SLC4A10: variants seen among roughly 807,000 people sequenced by gnomAD.
SLC4A10 encodes sodium-driven chloride bicarbonate exchanger.
SLC4A10 carries 42 observed loss-of-function variants against 137.7 expected under a neutral mutation model. The ratio of observed to expected loss-of-function variants is 0.30; its 90% CI spans 0.24 to 0.39. The LOEUF (loss-of-function observed/expected upper bound fraction) is 0.39, where lower values mean the gene tolerates loss of function less well. Ranked by LOEUF, SLC4A10 falls within the 10% of genes least tolerant of loss-of-function variation. The probability of loss-of-function intolerance (pLI) is 1.00; values close to 1 mark genes in which losing one functional copy is unlikely to be tolerated. For missense variants in SLC4A10, 925 were observed against 1,355.0 expected, an observed-to-expected ratio of 0.68 and a Z score of 4.98; for synonymous variants, 474 against 464.1, an observed-to-expected ratio of 1.02 and a Z score of -0.27.
intron 2 of SLC4A10, among the ~76,000 whole-genome samples, chr2:161,803,989 A>C (rs1337418077): frequency 1.3e-5 from 2 of 152,170 alleles, no homozygotes; most frequent in Non-Finnish European, 2.9e-5. Flanking sequence ...AGAAATAGGA[A>C]AACAGAAAAA....
intron 2 of SLC4A10, among the ~76,000 whole-genome samples, chr2:161,786,321 A>G (rs1402801561): frequency 6.6e-6 from 1 of 151,720 alleles, no homozygotes; most frequent in African/African-American, 2.4e-5. Flanking sequence ...GTCCTTTCAC[A>G]TTAGATGGAT....
At position 161,716,178 on chromosome 2, in the gene SLC4A10, GTT is replaced by G. The variant is rs35632198; in HGVS notation, c.49-54784_49-54783del. ...ATGTCCTTTGCCCACTTTTTGATGG[GTT>G]TTTTTTTTTTCTTGTAAATTTGTTT... On this transcript the variant is annotated intron_variant, in intron 1 of 26. Coordinates refer to ENST00000446997, the MANE Select transcript of SLC4A10 (RefSeq NM_001178015.2). 1.4e-3 allele frequency among the ~76,000 whole-genome samples: 209 copies of G among 146,318 alleles called. 1 individual carries two copies. The highest frequency in any genetic ancestry group is 7.0e-3 in the Middle Eastern group (2 of 286).
intron 1 of SLC4A10, among the ~76,000 whole-genome samples, chr2:161,763,384 G>A (rs779983282): frequency 6.6e-6 from 1 of 152,050 alleles, no homozygotes; most frequent in East Asian, 1.9e-4. Flanking sequence ...CACTCAAAAG[G>A]GGTGATAAAG....
chr2:161,868,524 A>G (rs1488246688), intron 6 of SLC4A10, among the ~76,000 whole-genome samples: 1 of 151,626 alleles, frequency 6.6e-6, no homozygotes, highest in Non-Finnish European at 1.5e-5. Flanking sequence ...TTTTTATCTG[A>G]CACATATGAT....
At chr2:161,645,364 A>C (rs1574071179) in intron 1 of SLC4A10, among the ~76,000 whole-genome samples, 1 of 152,138 alleles carries the variant, frequency 6.6e-6, no homozygotes, top group East Asian at 1.9e-4. Flanking sequence ...CTCATAACTA[A>C]TGTAGTCAGG....
At chr2:161,879,765 A>G (rs62188773) in intron 9 of SLC4A10, among the ~76,000 whole-genome samples, 10,405 of 152,034 alleles carry the variant, frequency 0.068, 461 homozygotes, top group East Asian at 0.13. Context: ...CGTCAAATAT[A>G]TGTTTCAATC....
intron 5 of SLC4A10, among the ~76,000 whole-genome samples, chr2:161,858,996 G>A (rs2060253105): frequency 6.6e-6 from 1 of 152,078 alleles, no homozygotes; most frequent in Non-Finnish European, 1.5e-5. Context: ...TACATCTTTA[G>A]TACACACATC....
chr2:161,685,481 A>ACTTGGGT (rs1282699428), intron 1 of SLC4A10, among the ~76,000 whole-genome samples: 3 of 152,050 alleles, frequency 2.0e-5, no homozygotes, highest in Non-Finnish European at 2.9e-5. Flanking sequence ...GGTGGCACAC[A>ACTTGGGT]CCTGTGGTCC....
intron 6 of SLC4A10, among the ~76,000 whole-genome samples, chr2:161,866,395 T>C (rs1171125807): frequency 6.6e-6 from 1 of 152,032 alleles, no homozygotes; most frequent in African/African-American, 2.4e-5. Flanking sequence ...ACTAGTTCAC[T>C]CGTTTGAATA....
chr2:161,703,192 T>C (rs1480692602), intron 1 of SLC4A10, among the ~76,000 whole-genome samples: 1 of 151,608 alleles, frequency 6.6e-6, no homozygotes, highest in African/African-American at 2.4e-5. Flanking sequence ...TCTAAGAAAA[T>C]AGAGGATGTA....
At chr2:161,851,061 G>A (rs1283567487) in intron 4 of SLC4A10, among the ~76,000 whole-genome samples, 3 of 152,060 alleles carry the variant, frequency 2.0e-5, no homozygotes. Context: ...TTACTGCATT[G>A]TGTTCTGAGA....
Position 161,694,044 on chromosome 2 carries a change from A to G in SLC4A10, c.48+69478A>G, listed in dbSNP as rs1458611230. Among the ~76,000 whole-genome samples the G allele has an allele frequency of 2.6e-5, 4 of 152,068 alleles. No homozygotes were observed. In the East Asian group the frequency reaches 7.7e-4, roughly 29 times the overall value. ...AATCATTGAGGTCTCTTCAGAGACA[A>G]CTGACTTTTCCAGATTACAGCCCCT... On this transcript the variant is annotated intron_variant, in intron 1 of 26. Coordinates refer to ENST00000446997, the MANE Select transcript of SLC4A10 (RefSeq NM_001178015.2).
intron 2 of SLC4A10, among the ~76,000 whole-genome samples, chr2:161,795,589 A>G (rs1253873907): frequency 6.6e-6 from 1 of 152,124 alleles, no homozygotes; most frequent in Non-Finnish European, 1.5e-5. Context: ...TAAGAACACA[A>G]CATAAGATTC....
chr2:161,653,418 T>C (rs542944897), intron 1 of SLC4A10, among the ~76,000 whole-genome samples: 1 of 152,286 alleles, frequency 6.6e-6, no homozygotes, highest in African/African-American at 2.4e-5. Flanking sequence ...CCTTGAGGAA[T>C]CACCACACTG....
intron 3 of SLC4A10, among the ~76,000 whole-genome samples, chr2:161,827,888 C>T (rs2058129496): frequency 6.6e-6 from 1 of 152,138 alleles, no homozygotes; most frequent in Non-Finnish European, 1.5e-5. Flanking sequence ...TTCTTTATTG[C>T]TTGAAAAGTA....
At chr2:161,906,739 A>G (rs1012484511) in intron 15 of SLC4A10, among the ~76,000 whole-genome samples, 1 of 152,264 alleles carries the variant, frequency 6.6e-6, no homozygotes, top group Non-Finnish European at 1.5e-5. Flanking sequence ...TTTATTTACT[A>G]TCAGAAGTTT....
chr2:161,917,136 G>T (rs147861067), intron 15 of SLC4A10, among the ~76,000 whole-genome samples: 114 of 152,256 alleles, frequency 7.5e-4, no homozygotes, highest in African/African-American at 2.6e-3. Flanking sequence ...CACAGAGTAT[G>T]CCTGCCTTCT....
intron 2 of SLC4A10, among the ~76,000 whole-genome samples, chr2:161,773,456 C>G: frequency 1.3e-5 from 2 of 151,898 alleles, no homozygotes; most frequent in Admixed American, 1.3e-4. Flanking sequence ...ATTAAGGCAG[C>G]TAATACACAA....
At chr2:161,847,562 C>T (rs1317006217) in intron 4 of SLC4A10, among the ~76,000 whole-genome samples, 3 of 152,068 alleles carry the variant, frequency 2.0e-5, no homozygotes, top group Admixed American at 6.6e-5. Context: ...GCCTCAGTGT[C>T]TGTTGTTCCC....
Sources: allele counts gnomAD v4.1 joint callset (sites outside exome capture counted in the v4.1 genomes callset), GRCh38; gene constraint gnomAD v4.1.1; transcripts MANE v1.5; gene names NCBI Gene and HGNC (gene_info 2026-07-23, HGNC 2026-07-21).